The following MTA3 variants were observed in gnomAD, a reference collection of about 807,000 sequenced individuals.
The protein encoded by MTA3 is metastasis associated 1 family member 3.
In MTA3, 34 loss-of-function variants were observed where a neutral mutation model predicts 83.5. The ratio of observed to expected loss-of-function variants is 0.41; its 90% CI spans 0.31 to 0.54. The LOEUF (loss-of-function observed/expected upper bound fraction) is 0.54. Among genes scored for constraint, MTA3 ranks in the 20% least tolerant of loss-of-function variants. The probability of loss-of-function intolerance (pLI) is 0.33; values close to 1 mark genes in which losing one functional copy is unlikely to be tolerated. For synonymous variants in MTA3, 303 were observed against 252.7 expected (o/e 1.20, Z -1.89); for missense variants, 761 against 726.4 (o/e 1.05, Z -0.55).
At chr2:42,623,259 G>C (rs943956706) in intron 4 of MTA3, among the ~76,000 whole-genome samples, 3 of 152,226 alleles carry the variant, frequency 2.0e-5, no homozygotes, top group African/African-American at 7.2e-5. Context: ...TTGGAATGCA[G>C]GTGGTCCAAG....
At chr2:42,658,958 C>G (rs964232502) in intron 7 of MTA3, among the ~76,000 whole-genome samples, 1 of 147,074 alleles carries the variant, frequency 6.8e-6, no homozygotes, top group Non-Finnish European at 1.5e-5. Flanking sequence ...AATAGCTGGG[C>G]GTGGTGGTGC....
At position 42,704,044 on chromosome 2, in the gene MTA3, C is replaced by T. The variant is rs1665847709; in HGVS notation, c.1026-150C>T. The T allele has an allele frequency of 4.7e-6, 4 of 849,676 alleles. No individual in the cohort carries two copies. In the South Asian group the frequency reaches 5.6e-5, roughly 12 times the overall value. 52.6% of individuals were successfully genotyped at this position (849,676 alleles called of 1,614,324 possible). A position where few individuals can be genotyped will look rare whatever the true frequency, so the allele number is the denominator to read the frequency against. ...AGATGAGTAGTGTGAGTTCATTTAA[C>T]ACCTTGGTTTTACCAGTTTATTTCT... On this transcript the variant is annotated intron_variant, in intron 11 of 16. Transcript: ENST00000405094.
chr2:42,556,914 C>T (rs1042968036), intron 2 of MTA3, among the ~76,000 whole-genome samples: 2 of 152,100 alleles, frequency 1.3e-5, no homozygotes, highest in African/African-American at 2.4e-5. Context: ...CAAGGGCACC[C>T]GATTTCCAGA....
In MTA3 at chr2:42,707,964, A is replaced by T. The variant is rs1558605083; in HGVS notation, c.1212A>T (p.Ala404=). The part of the protein sequence containing the change: ...GPPNMQCRLC[A]ICWLYWKKYG... ...CTAATATGCAGTGTAGATTATGTGC[A>T]ATTTGTTGGCTTTATTGGAAAAAAT... The change falls in exon 13 of 17, where the codon GCA becomes GCT. Residue 404 remains alanine, a synonymous_variant. Transcript: ENST00000405094. The T allele has an allele frequency of 6.2e-7, 1 of 1,611,602 alleles. No homozygotes were observed. Among genetic ancestry groups the T allele is most frequent in the Non-Finnish European group, 8.5e-7 (1 of 1,178,848 alleles).
chr2:42,611,219 G>A (rs569050957), intron 4 of MTA3, among the ~76,000 whole-genome samples: 1 of 151,718 alleles, frequency 6.6e-6, no homozygotes, highest in East Asian at 1.9e-4. Context: ...TCCTGACCTC[G>A]TGATCCACCC....
chr2:42,655,936 G>C (rs1298805986), intron 6 of MTA3, among the ~76,000 whole-genome samples: 12 of 152,144 alleles, frequency 7.9e-5, no homozygotes, highest in Admixed American at 7.9e-4. Context: ...TCTTAGCATG[G>C]CACTTACTGC....
intron 2 of MTA3, among the ~76,000 whole-genome samples, chr2:42,524,614 G>A (rs1450246286): frequency 2.0e-5 from 3 of 150,802 alleles, no homozygotes; most frequent in South Asian, 2.1e-4. Flanking sequence ...GTGAGCCACC[G>A]CGCCCCGCCA....
At chr2:42,611,185 A>G (rs906327687) in intron 4 of MTA3, among the ~76,000 whole-genome samples, 4 of 151,726 alleles carry the variant, frequency 2.6e-5, no homozygotes, top group Non-Finnish European at 4.4e-5. Flanking sequence ...GGGTTTCGCC[A>G]TGTTGGCCAG....
At chr2:42,677,279 G>C (rs1437728429) in intron 8 of MTA3, among the ~76,000 whole-genome samples, 1 of 152,146 alleles carries the variant, frequency 6.6e-6, no homozygotes. Context: ...AATCATGGGG[G>C]CAGGTCTTTC....
intron 4 of MTA3, among the ~76,000 whole-genome samples, chr2:42,617,941 TA>T (rs974824798): frequency 5.1e-4 from 75 of 146,902 alleles, no homozygotes; most frequent in Middle Eastern, 7.0e-3. Context: ...ACTCTTTTTT[TA>T]AAAAAAAAAA....
Position 42,689,969 on chromosome 2 carries a change from A to G in MTA3, c.892-5796A>G, listed in dbSNP as rs955779613. Reference sequence around the variant, plus strand: ...GACTTAATTGCTTTTTTTTTTTCCTAGTATCTTCTTATTGATTGAAGCTTA... The same window carrying G: ...GACTTAATTGCTTTTTTTTTTTCCTGGTATCTTCTTATTGATTGAAGCTTA... On this transcript the variant is annotated intron_variant, in intron 9 of 16. Coordinates refer to ENST00000405094, the MANE Select transcript of MTA3 (RefSeq NM_001330442.2). Among the ~76,000 whole-genome samples, 12 of 147,420 alleles carry G rather than the reference A, an allele frequency of 8.1e-5. No homozygotes were observed. The South Asian group carries it at 1.1e-3, about 13-fold the overall frequency.
chr2:42,749,924 GT>G (rs1573852833), intron 16 of MTA3, among the ~76,000 whole-genome samples: 2 of 152,130 alleles, frequency 1.3e-5, no homozygotes, highest in East Asian at 3.8e-4. Flanking sequence ...AACATACTAT[GT>G]ATGTTTCATA....
At chr2:42,548,263 G>C (rs1218179930) in intron 2 of MTA3, among the ~76,000 whole-genome samples, 4 of 151,896 alleles carry the variant, frequency 2.6e-5, no homozygotes, top group African/African-American at 9.7e-5. Flanking sequence ...TCAGGAATTC[G>C]AGACCAGCCA....
At position 42,695,822 on chromosome 2, in the gene MTA3, G is replaced by A; in HGVS notation, c.949G>A (p.Asp317Asn). 1 of 1,584,610 alleles carries A rather than the reference G, an allele frequency of 6.3e-7. No homozygotes were observed. Among genetic ancestry groups the A allele is most frequent in the Non-Finnish European group, 8.6e-7 (1 of 1,165,256 alleles). The change falls in exon 10 of 17, where the codon GAC becomes AAC. Residue 317 changes from aspartate to asparagine, a missense_variant. Physicochemically the swap from Asp to Asn is conservative, Grantham distance 23. Coordinates refer to ENST00000405094, the MANE Select transcript of MTA3 (RefSeq NM_001330442.2). Reference protein sequence around the residue: ...IEYYYMWKTTDRYVQQKRLKA... With the variant: ...IEYYYMWKTTNRYVQQKRLKA... ...ATATTATTACATGTGGAAAACTACT[G>A]ACAGATATGTGCAACAGGTAATTTT...
intron 2 of MTA3, among the ~76,000 whole-genome samples, chr2:42,559,037 C>T (rs2103795180): frequency 6.6e-6 from 1 of 152,306 alleles, no homozygotes; most frequent in South Asian, 2.1e-4. Context: ...CCCACACTCC[C>T]TCTCCTGGCA....
At chr2:42,536,687 G>A (rs911467856) in intron 2 of MTA3, among the ~76,000 whole-genome samples, 8 of 151,660 alleles carry the variant, frequency 5.3e-5, no homozygotes, top group South Asian at 2.1e-4. Context: ...GTGAAACCCC[G>A]TCTCTACTAA....
At chr2:42,584,351 A>C (rs1447691552) in intron 3 of MTA3, among the ~76,000 whole-genome samples, 1 of 152,216 alleles carries the variant, frequency 6.6e-6, no homozygotes, top group East Asian at 1.9e-4. Context: ...TAAATATTTC[A>C]GTACTTACTT....
rs1391553895 is a variant in MTA3, at chr2:42,662,410, A to G, written c.702+2548A>G. Reference sequence around the variant, plus strand: ...TCTTCATATTTAGGACTGTAAATCTATATAGAGTTTAATTTTGTGAATAGA... The same window carrying G: ...TCTTCATATTTAGGACTGTAAATCTGTATAGAGTTTAATTTTGTGAATAGA... On this transcript the variant is annotated intron_variant, in intron 8 of 16. Coordinates refer to ENST00000405094, the MANE Select transcript of MTA3 (RefSeq NM_001330442.2). Among the ~76,000 whole-genome samples the G allele has an allele frequency of 2.6e-5, 4 of 151,598 alleles. No homozygotes were observed. In the South Asian group the frequency reaches 6.2e-4, roughly 24 times the overall value.
intron 8 of MTA3, among the ~76,000 whole-genome samples, chr2:42,669,926 AT>A (rs1158274015): frequency 2.0e-5 from 3 of 152,202 alleles, no homozygotes; most frequent in African/African-American, 7.2e-5. Context: ...TGGTGGAAAG[AT>A]TTGTATTTAC....
Sources: allele counts gnomAD v4.1 joint callset (sites outside exome capture counted in the v4.1 genomes callset), GRCh38; gene constraint gnomAD v4.1.1; transcripts MANE v1.5; gene names NCBI Gene and HGNC (gene_info 2026-07-23, HGNC 2026-07-21).